The following ACOX2 variants were observed in gnomAD, a reference collection of about 807,000 sequenced individuals.
The protein encoded by ACOX2 is peroxisomal acyl-coenzyme A oxidase 2.
A neutral mutation model predicts 77.5 loss-of-function variants in ACOX2; 59 were observed. That is an observed-to-expected ratio of 0.76 (90% CI 0.62 to 0.95). The LOEUF is 0.95. Among genes scored for constraint, ACOX2 ranks in the 40% least tolerant of loss-of-function variants. The probability of loss-of-function intolerance (pLI) is 0.00; values close to 1 mark genes in which losing one functional copy is unlikely to be tolerated. For missense variants in ACOX2, 837 were observed against 880.4 expected, an observed-to-expected ratio of 0.95 and a Z score of 0.62; for synonymous variants, 317 against 340.1, an observed-to-expected ratio of 0.93 and a Z score of 0.75.
chr3:58,522,554 C>G lies in ACOX2; in HGVS notation c.1574G>C (p.Gly525Ala), dbSNP rs2063365906. 1 of 1,614,054 alleles carries G rather than the reference C, an allele frequency of 6.2e-7. No homozygotes were observed. Among genetic ancestry groups the G allele is most frequent in the Non-Finnish European group, 8.5e-7 (1 of 1,180,040 alleles). The change falls in exon 12 of 15, where the codon GGA becomes GCA. Residue 525 changes from glycine to alanine, a missense_variant. By Grantham distance (60) the Gly-to-Ala change is moderately conservative. Coordinates refer to ENST00000302819, the MANE Select transcript of ACOX2 (RefSeq NM_003500.4). This position sits in a 1 kb window ranked among gnomAD's most constrained non-coding sequence, Gnocchi z 4.3. ...GTTCCAAGCCTCGTGCTGGTCAGCT[C>G]CGGATTGCGTCAGGGTCTGTAAATG... ...VQHLQTLTQS[G>A]ADQHEAWNQT...
chr3:58,513,796 C>T (rs1450303377), intron 13 of ACOX2, among the ~76,000 whole-genome samples: 1 of 152,170 alleles, frequency 6.6e-6, no homozygotes. Flanking sequence ...CCTTAACTAG[C>T]TGATTACAAA....
rs2063368853 is a variant in ACOX2 at position 58,522,921 on chromosome 3, C to A, written c.1527-320G>T. On this transcript the variant is annotated intron_variant, in intron 11 of 14. Coordinates refer to ENST00000302819, the MANE Select transcript of ACOX2 (RefSeq NM_003500.4). The surrounding 1 kb of genome is among the most constrained non-coding windows in gnomAD (Gnocchi z 4.3). ...CTCAGGGCCACAGGCCAGGAGCTGT[C>A]CCCTATTTCTAATGCAGATTCCAGC... 1 of 297,982 alleles carries A rather than the reference C, an allele frequency of 3.4e-6. No individual in the cohort carries two copies. The highest frequency in any genetic ancestry group is 4.1e-5 in the Admixed American group (1 of 24,280). The allele number at this position is 297,982 out of a possible 1,614,324, so 18.5% of individuals were successfully genotyped here. A position where few individuals can be genotyped will look rare whatever the true frequency, so the allele number is the denominator to read the frequency against.
intron 13 of ACOX2, among the ~76,000 whole-genome samples, chr3:58,513,253 G>A (rs746868040): frequency 6.6e-6 from 1 of 152,092 alleles, no homozygotes; most frequent in Non-Finnish European, 1.5e-5. Context: ...CTCTCCTCTA[G>A]TCTGTAGGCA....
In ACOX2 at chr3:58,530,524, C is replaced by T. The variant is rs746533329; in HGVS notation, c.934G>A (p.Ala312Thr). 6.2e-7 allele frequency: 1 copy of T among 1,614,240 alleles called. No homozygotes were observed. The highest frequency in any genetic ancestry group is 8.5e-7 in the Non-Finnish European group (1 of 1,180,042). ...SGEILPILQK[A>T]CVIAMRYSVI... ...GAGTAGCGCATGGCGATGACACAGG[C>T]CTTCTGCAGTATAGGGAGGATCTCC... Residue 312 changes from alanine (A) to threonine (T), a missense_variant, in exon 8 of 15, where the codon GCC becomes ACC. Physicochemically the swap from Ala to Thr is moderately conservative, Grantham distance 58. Coordinates refer to ENST00000302819, the MANE Select transcript of ACOX2 (RefSeq NM_003500.4).
rs775147494 is a variant in ACOX2, at chr3:58,517,245, A to C, written c.1811T>G (p.Met604Arg). ...DAFLSGAQVD[M>R]ARTAYLDLLR... ...CAGGTCCAGGTAGGCTGTTCTTGCCATGTCCACTTGGGCACCAGACAGGAA... is the reference window on the plus strand; with the variant it reads ...CAGGTCCAGGTAGGCTGTTCTTGCCCTGTCCACTTGGGCACCAGACAGGAA... Residue 604 changes from methionine to arginine, a missense_variant, in exon 13 of 15, where the codon ATG becomes AGG. Physicochemically the swap from Met to Arg is moderately conservative, Grantham distance 91 (BLOSUM62 -1). Coordinates refer to ENST00000302819, the MANE Select transcript of ACOX2 (RefSeq NM_003500.4). 1.9e-6 allele frequency: 3 copies of C among 1,614,142 alleles called. No individual in the cohort carries two copies. In the East Asian group the frequency reaches 6.7e-5, roughly 36 times the overall value.
Position 58,531,269 on chromosome 3 carries a change from C to T in ACOX2, c.801G>A (p.Met267Ile), listed in dbSNP as rs768404564. Residue 267 changes from methionine to isoleucine, a missense_variant, in exon 7 of 15, where the codon ATG becomes ATA. Physicochemically the swap from Met to Ile is conservative, Grantham distance 10. Transcript: ENST00000302819. The surrounding 1 kb of genome is among the most constrained non-coding windows in gnomAD (Gnocchi z 5.8). ...LNHVRVPREN[M>I]LSRFAQVLPD... Reference sequence around the variant, plus strand: ...CTGTAACCTGTGCAAAGCGACTCAGCATGTTCTCCCTGGGGACCCGCACAT... The same window carrying T: ...CTGTAACCTGTGCAAAGCGACTCAGTATGTTCTCCCTGGGGACCCGCACAT... The T allele has an allele frequency of 3.7e-6, 6 of 1,612,842 alleles. No homozygotes were observed. Among genetic ancestry groups the T allele is most frequent in the Middle Eastern group, 2.0e-4 (1 of 5,112 alleles).
intron 14 of ACOX2, among the ~76,000 whole-genome samples, chr3:58,506,765 C>T (rs1433006243): frequency 1.3e-5 from 2 of 152,126 alleles, no homozygotes; most frequent in Non-Finnish European, 2.9e-5. Flanking sequence ...GCATTTCAGC[C>T]TGGATGACAG....
chr3:58,530,316 G>A (rs1303951710), intron 8 of ACOX2, 150 bp downstream of exon 8: 5 of 1,194,842 alleles, frequency 4.2e-6, no homozygotes, highest in East Asian at 5.0e-5. Flanking sequence ...GGCCAGGCTG[G>A]GTAGATTTTG....
Position 58,517,859 on chromosome 3 carries a change from G to A in ACOX2, c.1633-436C>T, listed in dbSNP as rs1576991447. 2.0e-5 allele frequency among the ~76,000 whole-genome samples: 3 copies of A among 152,214 alleles called. No homozygotes were observed. The East Asian group carries it at 5.8e-4, about 29-fold the overall frequency. Reference sequence around the variant, plus strand: ...GGAGGCCAAGGTGGGTGGATCACCTGAGGTCAGGAGTTTGAGACCAGTATG... The same window carrying A: ...GGAGGCCAAGGTGGGTGGATCACCTAAGGTCAGGAGTTTGAGACCAGTATG... On this transcript the variant is annotated intron_variant, in intron 12 of 14. Coordinates refer to ENST00000302819, the MANE Select transcript of ACOX2 (RefSeq NM_003500.4).
intron 13 of ACOX2, 33 bp downstream of exon 13, chr3:58,517,173 A>C: frequency 7.5e-6 from 12 of 1,606,702 alleles, no homozygotes; most frequent in Non-Finnish European, 1.0e-5. Flanking sequence ...TATTCTCTGA[A>C]GACTAACATG....
intron 9 of ACOX2, among the ~76,000 whole-genome samples, chr3:58,527,426 C>T (rs2063404082): frequency 6.6e-6 from 1 of 151,740 alleles, no homozygotes; most frequent in Non-Finnish European, 1.5e-5. Flanking sequence ...GTCCCAGCTA[C>T]ACAGGAGGCT....
At position 58,523,817 on chromosome 3, in the gene ACOX2, T is replaced by G. The variant is rs142260402; in HGVS notation, c.1526+609A>C. On this transcript the variant is annotated intron_variant, in intron 11 of 14. Coordinates refer to ENST00000302819, the MANE Select transcript of ACOX2 (RefSeq NM_003500.4). The surrounding 1 kb of genome is among the most constrained non-coding windows in gnomAD (Gnocchi z 5.3). ...CTTTTTAGGTAGTTAAACCTCCATC[T>G]TTTCCATGGTGGTATGTGTGTTTGG... Among the ~76,000 whole-genome samples the G allele has an allele frequency of 2.0e-4, 30 of 152,306 alleles. No homozygotes were observed. In the East Asian group the frequency reaches 5.6e-3, roughly 28 times the overall value.
intron 13 of ACOX2, among the ~76,000 whole-genome samples, 180 bp downstream of exon 13, chr3:58,517,026 A>AT (rs1317051817): frequency 6.6e-6 from 1 of 151,736 alleles, no homozygotes; most frequent in Non-Finnish European, 1.5e-5. Flanking sequence ...ATTTTTTCCC[A>AT]TTTTTTTCTT....
rs2063476844 is a variant in ACOX2, at chr3:58,535,717, C to G, written c.-91-520G>C. On this transcript the variant is annotated intron_variant, in intron 1 of 14. Coordinates refer to ENST00000302819, the MANE Select transcript of ACOX2 (RefSeq NM_003500.4). This position sits in a 1 kb window ranked among gnomAD's most constrained non-coding sequence, Gnocchi z 4.8. ...TGAGCCCTGCAGGTATATTGTGGAACTGAAGGGAGGAAGCCTTCTTCCTGC... is the reference window on the plus strand; with the variant it reads ...TGAGCCCTGCAGGTATATTGTGGAAGTGAAGGGAGGAAGCCTTCTTCCTGC... 6.6e-6 allele frequency among the ~76,000 whole-genome samples: 1 copy of G among 152,168 alleles called. No individual in the cohort carries two copies. The highest frequency in any genetic ancestry group is 6.5e-5 in the Admixed American group (1 of 15,288).
In ACOX2 at chr3:58,534,913, A is replaced by G; in HGVS notation, c.160+34T>C. ...TTCTTACAAGAGAAGCATGGGGCAT[A>G]AAACAGATGTCCCATTCCCCAGCTT... On this transcript the variant is annotated intron_variant, in intron 2 of 14. Coordinates refer to ENST00000302819, the MANE Select transcript of ACOX2 (RefSeq NM_003500.4). The surrounding 1 kb of genome is among the most constrained non-coding windows in gnomAD (Gnocchi z 4.8). The G allele has an allele frequency of 6.2e-7, 1 of 1,613,436 alleles. No individual in the cohort carries two copies. Among genetic ancestry groups the G allele is most frequent in the African/African-American group, 1.3e-5 (1 of 75,054 alleles).
rs1178188048 is a variant in ACOX2, at chr3:58,533,989, C to T, written c.475+5G>A. The T allele has an allele frequency of 6.2e-7, 1 of 1,614,000 alleles. No individual in the cohort carries two copies. Among genetic ancestry groups the T allele is most frequent in the Non-Finnish European group, 8.5e-7 (1 of 1,179,998 alleles). ...TAAACACCACACGCAGCAGTCCTAG[C>T]TCACCATGTCCCAACTCTGTCTGTG... On this transcript the variant is annotated splice_donor_5th_base_variant and intron_variant, in intron 4 of 14. Coordinates refer to ENST00000302819, the MANE Select transcript of ACOX2 (RefSeq NM_003500.4). The surrounding 1 kb of genome is among the most constrained non-coding windows in gnomAD (Gnocchi z 5.6).
In ACOX2 at chr3:58,517,190, A is replaced by G; in HGVS notation, c.1850+16T>C. ...TTCTCTGAAGACTAACATGGTTTGA[A>G]GTCTCTGCCACTCACCGGATCAGGC... On this transcript the variant is annotated intron_variant, in intron 13 of 14. Coordinates refer to ENST00000302819, the MANE Select transcript of ACOX2 (RefSeq NM_003500.4). The G allele has an allele frequency of 6.2e-7, 1 of 1,612,030 alleles. No individual in the cohort carries two copies. The highest frequency in any genetic ancestry group is 8.5e-7 in the Non-Finnish European group (1 of 1,178,924).
Position 58,533,712 on chromosome 3 carries a change from C to A in ACOX2, c.476-160G>T. The stretch of plus-strand genomic sequence containing the variant: ...GCAGTTCTCCCCTTTCATCTGTGGG[C>A]TGTGTGTGGGACACACAGTCCCCTA... On this transcript the variant is annotated intron_variant, in intron 4 of 14. Transcript: ENST00000302819. The surrounding 1 kb of genome is among the most constrained non-coding windows in gnomAD (Gnocchi z 5.6). 1.4e-6 allele frequency: 1 copy of A among 708,240 alleles called. No homozygotes were observed. The highest frequency in any genetic ancestry group is 2.4e-6 in the Non-Finnish European group (1 of 421,326). The allele number at this position is 708,240 out of a possible 1,614,324, so 43.9% of individuals were successfully genotyped here. A position where few individuals can be genotyped will look rare whatever the true frequency, so the allele number is the denominator to read the frequency against.
chr3:58,511,085 T>A (rs1218637186), intron 13 of ACOX2: 1 of 456,524 alleles, frequency 2.2e-6, no homozygotes, highest in South Asian at 1.5e-5. Flanking sequence ...AGAGAATCTG[T>A]GTAAGTTCCC....
Sources: allele counts gnomAD v4.1 joint callset (sites outside exome capture counted in the v4.1 genomes callset), GRCh38; gene constraint gnomAD v4.1.1; non-coding constraint Gnocchi (gnomAD v3.1); transcripts MANE v1.5; gene names NCBI Gene and HGNC (gene_info 2026-07-23, HGNC 2026-07-21).